Variants in FCHO2 observed in about 807,000 individuals in gnomAD.
FCHO2 encodes the protein F-BAR domain only protein 2.
FCHO2 carries 43 observed loss-of-function variants against 114.1 expected under a neutral mutation model. The ratio of observed to expected loss-of-function variants is 0.38; its 90% confidence interval spans 0.30 to 0.49. FCHO2 has a LOEUF of 0.49. Ranked by LOEUF, FCHO2 falls within the 20% of genes least tolerant of loss-of-function variation. The pLI is 0.97. For synonymous variants in FCHO2, 293 were observed against 315.2 expected (o/e 0.93, Z 0.75); for missense variants, 807 against 950.4 (o/e 0.85, Z 1.98).
chr5:73,043,409 TACACAC>T (rs35051270), intron 11 of FCHO2, among the ~76,000 whole-genome samples: 3 of 150,852 alleles, frequency 2.0e-5, no homozygotes, highest in African/African-American at 7.3e-5. Context: ...CACACACACA[TACACAC>T]ACACACACAC....
At chr5:72,996,955 G>A (rs1313011968) in intron 5 of FCHO2, 1 of 1,606,948 alleles carries the variant, frequency 6.2e-7, no homozygotes, top group South Asian at 1.1e-5. Flanking sequence ...GGCTGCGCAC[G>A]TTCGTGGCCT....
At chr5:73,051,516 A>ATGGT in intron 12 of FCHO2, 110 bp downstream of exon 12, 1 of 664,050 alleles carries the variant, frequency 1.5e-6, no homozygotes. Flanking sequence ...ATTATAAAAT[A>ATGGT]TGGTTCCTTG....
chr5:72,962,986 CA>C (rs1751958931), intron 1 of FCHO2, among the ~76,000 whole-genome samples: 1 of 151,778 alleles, frequency 6.6e-6, no homozygotes, highest in African/African-American at 2.4e-5. Context: ...GAAACAAAAA[CA>C]ACAGCATGAC....
At chr5:73,086,087 A>G (rs573361208) in intron 24 of FCHO2, among the ~76,000 whole-genome samples, 5 of 151,666 alleles carry the variant, frequency 3.3e-5, no homozygotes, top group Non-Finnish European at 5.9e-5. Flanking sequence ...GTGCCACTGC[A>G]CTCCAGCCTA....
intron 4 of FCHO2, 34 bp from the exon 5 acceptor site, chr5:72,990,678 C>A: frequency 1.3e-6 from 2 of 1,536,648 alleles, no homozygotes; most frequent in Non-Finnish European, 1.7e-6. Flanking sequence ...CTTTATAGTT[C>A]AGTCATTTTG....
intron 16 of FCHO2, among the ~76,000 whole-genome samples, chr5:73,057,846 G>A (rs761952778): frequency 2.0e-5 from 3 of 151,950 alleles, no homozygotes; most frequent in Non-Finnish European, 2.9e-5. Context: ...CCCCCAAGGT[G>A]GTTGAATCTA....
intron 16 of FCHO2, among the ~76,000 whole-genome samples, chr5:73,056,435 C>G (rs561467802): frequency 6.6e-6 from 1 of 152,286 alleles, no homozygotes. Flanking sequence ...CTTCTGTGCT[C>G]CACCTTCTCA....
intron 6 of FCHO2, among the ~76,000 whole-genome samples, chr5:73,011,648 C>A (rs957607378): frequency 6.6e-6 from 1 of 152,100 alleles, no homozygotes; most frequent in African/African-American, 2.4e-5. Flanking sequence ...TGGTGGCTCA[C>A]ACTTGTAATC....
chr5:73,060,462 G>C (rs1470105042), intron 17 of FCHO2, among the ~76,000 whole-genome samples: 1 of 152,016 alleles, frequency 6.6e-6, no homozygotes, highest in African/African-American at 2.4e-5. Context: ...CTGGCCCTAA[G>C]TGAAGTTACG....
chr5:73,020,881 A>G (rs1481002574), intron 8 of FCHO2: 3 of 1,089,562 alleles, frequency 2.8e-6, no homozygotes, highest in Non-Finnish European at 4.3e-6. Flanking sequence ...CACCTGTATC[A>G]GCTCACCACG....
chr5:73,008,234 A>G (rs1037246348), intron 6 of FCHO2, among the ~76,000 whole-genome samples: 1 of 152,186 alleles, frequency 6.6e-6, no homozygotes, highest in Non-Finnish European at 1.5e-5. Flanking sequence ...TCTGATCTAC[A>G]TTTAAAGATA....
chr5:73,019,066 G>A (rs1465440342), intron 8 of FCHO2, among the ~76,000 whole-genome samples: 1 of 152,160 alleles, frequency 6.6e-6, no homozygotes, highest in African/African-American at 2.4e-5. Flanking sequence ...TCGAAGACCT[G>A]TAATGCCACC....
At chr5:72,975,912 T>C (rs904460347) in intron 2 of FCHO2, among the ~76,000 whole-genome samples, 6 of 152,230 alleles carry the variant, frequency 3.9e-5, no homozygotes. Context: ...TTTTGGCAAT[T>C]ATGAATACAG....
At chr5:73,020,726 G>A in intron 8 of FCHO2, 2 of 1,191,454 alleles carry the variant, frequency 1.7e-6, no homozygotes, top group Non-Finnish European at 2.5e-6. Context: ...CTCATTTTCT[G>A]TTCTACATCC....
At chr5:73,016,958 G>A (rs575127620) in intron 7 of FCHO2, among the ~76,000 whole-genome samples, 24 of 152,156 alleles carry the variant, frequency 1.6e-4, no homozygotes, top group Middle Eastern at 3.4e-3. Flanking sequence ...TCTCTAGAAC[G>A]CTCAAAGATG....
intron 8 of FCHO2, chr5:73,020,579 A>T (rs1755563341): frequency 1.5e-6 from 1 of 656,568 alleles, no homozygotes; most frequent in Non-Finnish European, 2.8e-6. Context: ...GTCGTGCAAC[A>T]GCAGTAGTAC....
At position 73,051,034 on chromosome 5, in the gene FCHO2, A is replaced by G. The variant is rs530522638; in HGVS notation, c.940-315A>G. On this transcript the variant is annotated intron_variant, in intron 11 of 25. Transcript: ENST00000430046. ...TAAACTAACTTATTCTTCCTCATTT[A>G]TAACAGAAACTGTAGATTTTGAGCA... The G allele has an allele frequency of 2.5e-4, 68 of 269,114 alleles. 1 individual carries two copies. Among genetic ancestry groups the G allele is most frequent in the Admixed American group, 1.7e-4 (3 of 17,886 alleles). The allele number at this position is 269,114 out of a possible 1,614,324, so 16.7% of individuals were successfully genotyped here. A position where few individuals can be genotyped will look rare whatever the true frequency, so the allele number is the denominator to read the frequency against.
intron 8 of FCHO2, among the ~76,000 whole-genome samples, chr5:73,027,221 AAG>A (rs1029775008): frequency 5.3e-5 from 8 of 151,900 alleles, no homozygotes; most frequent in African/African-American, 1.9e-4. Context: ...CAGTTGCTAA[AAG>A]AGAGTAAAAT....
intron 2 of FCHO2, among the ~76,000 whole-genome samples, chr5:72,984,253 G>T (rs1259628349): frequency 6.6e-6 from 1 of 152,120 alleles, no homozygotes; most frequent in Non-Finnish European, 1.5e-5. Flanking sequence ...GAATGTAGTT[G>T]ATCATTTTAT....
Sources: gnomAD v4.1 joint callset for allele counts (sites outside exome capture counted in the v4.1 genomes callset) on GRCh38, gnomAD v4.1.1 for gene constraint, MANE v1.5 for transcripts, NCBI Gene and HGNC (gene_info 2026-07-23, HGNC 2026-07-21) for gene names.